TANC1: variants seen among roughly 807,000 people sequenced by gnomAD.
TANC1 encodes the protein tetratricopeptide repeat, ankyrin repeat and coiled-coil containing 1.
A neutral mutation model predicts 149.7 loss-of-function variants in TANC1; 77 were observed. The observed-to-expected ratio is 0.51, with a 90% CI of 0.43 to 0.62. The LOEUF is 0.62. Ranked by LOEUF, TANC1 falls within the 20% of genes least tolerant of loss-of-function variation. TANC1 has a pLI of 0.00. For synonymous variants in TANC1, 854 were observed against 925.0 expected (o/e 0.92, Z 1.39); for missense variants, 1,985 against 2,321.8 (o/e 0.85, Z 2.98).
chr2:159,114,330 T>C (rs1029630509), intron 4 of TANC1, among the ~76,000 whole-genome samples: 36 of 152,182 alleles, frequency 2.4e-4, no homozygotes. Flanking sequence ...ATGATATCAG[T>C]GGCCAGGTCA....
chr2:159,155,047 A>G (rs1488559174), intron 7 of TANC1, among the ~76,000 whole-genome samples: 1 of 152,232 alleles, frequency 6.6e-6, no homozygotes. Context: ...AAGAAATATA[A>G]AGTATGTTTT....
At chr2:159,219,963 CAG>C in intron 22 of TANC1, 96 bp downstream of exon 22, 1 of 1,116,910 alleles carries the variant, frequency 9.0e-7, no homozygotes, top group Admixed American at 2.1e-5. Context: ...GGTTGTGTCT[CAG>C]TGTCATCAGA....
At position 159,046,589 on chromosome 2, in the gene TANC1, C is replaced by CTTT. The variant is rs57208685; in HGVS notation, c.-15-19281_-15-19279dup. On this transcript the variant is annotated intron_variant, in intron 2 of 26. Transcript: ENST00000263635. ...ATGCACCATTCTTTTCTTTTCTTTA[C>CTTT]TTTTTTTTTTTTTTTTTTTTTTTTT... 8.9e-4 allele frequency among the ~76,000 whole-genome samples: 75 copies of CTTT among 84,380 alleles called. 3 individuals carry two copies. Among genetic ancestry groups the CTTT allele is most frequent in the South Asian group, 2.3e-3 (4 of 1,722 alleles). The allele number at this position is 84,380 out of a possible 152,430, so 55.4% of individuals were successfully genotyped here.
intron 1 of TANC1, among the ~76,000 whole-genome samples, chr2:158,993,079 G>T (rs2035824303): frequency 6.6e-6 from 1 of 152,148 alleles, no homozygotes; most frequent in African/African-American, 2.4e-5. Context: ...TGAAGGAATA[G>T]ATGTTCCTTC....
At chr2:159,098,612 AGTTT>A (rs1205416672) in intron 4 of TANC1, among the ~76,000 whole-genome samples, 2 of 152,124 alleles carry the variant, frequency 1.3e-5, no homozygotes, top group African/African-American at 4.8e-5. Flanking sequence ...ACAGCTATAA[AGTTT>A]GTTTGTGAAA....
At chr2:158,970,877 C>G (rs1376401261) in intron 1 of TANC1, among the ~76,000 whole-genome samples, 1 of 152,086 alleles carries the variant, frequency 6.6e-6, no homozygotes, top group Non-Finnish European at 1.5e-5. Flanking sequence ...TGGCACCAAG[C>G]CTTTTGGTTT....
At chr2:159,006,402 A>T (rs2037185953) in intron 2 of TANC1, among the ~76,000 whole-genome samples, 1 of 152,162 alleles carries the variant, frequency 6.6e-6, no homozygotes, top group South Asian at 2.1e-4. Flanking sequence ...AGTAGGAATT[A>T]TCCACACAGG....
intron 11 of TANC1, among the ~76,000 whole-genome samples, chr2:159,173,894 A>G (rs79565279): frequency 0.031 from 4,661 of 152,306 alleles, 96 homozygotes; most frequent in African/African-American, 0.055. Flanking sequence ...TGCCTTTTAA[A>G]GAGTCTGCAG....
At chr2:159,150,346 C>T in intron 6 of TANC1, 24 bp from the exon 7 acceptor site, 1 of 1,592,380 alleles carries the variant, frequency 6.3e-7, no homozygotes, top group South Asian at 1.1e-5. Context: ...GCCGTGCTAA[C>T]TCCTCCTTCC....
At chr2:159,227,131 G>A (rs1322266993) in intron 24 of TANC1, 1 of 147,634 alleles carries the variant, frequency 6.8e-6, no homozygotes, top group South Asian at 2.2e-4. Flanking sequence ...GACCCAGCAG[G>A]GTTCCTGGCT....
At chr2:159,112,848 T>A (rs998124445) in intron 4 of TANC1, among the ~76,000 whole-genome samples, 3 of 152,140 alleles carry the variant, frequency 2.0e-5, no homozygotes, top group Admixed American at 1.3e-4. Context: ...CCCAAAGGGC[T>A]GGGATTACAG....
intron 4 of TANC1, among the ~76,000 whole-genome samples, chr2:159,131,509 C>T (rs1199861768): frequency 1.3e-5 from 2 of 149,712 alleles, no homozygotes; most frequent in Non-Finnish European, 3.0e-5. Flanking sequence ...ATCACTCCCC[C>T]TCCCCCCGCC....
intron 4 of TANC1, among the ~76,000 whole-genome samples, chr2:159,127,953 G>T (rs188716048): frequency 6.6e-6 from 1 of 152,342 alleles, no homozygotes; most frequent in East Asian, 1.9e-4. Flanking sequence ...AATGTCTTAG[G>T]CGTTGCACCA....
chr2:159,166,262 G>T (rs2054586354), intron 8 of TANC1, among the ~76,000 whole-genome samples: 1 of 152,190 alleles, frequency 6.6e-6, no homozygotes, highest in Non-Finnish European at 1.5e-5. Flanking sequence ...AAACAAGCAT[G>T]ATTGCTATCC....
At chr2:159,022,331 G>A (rs1475845592) in intron 2 of TANC1, among the ~76,000 whole-genome samples, 25 of 152,190 alleles carry the variant, frequency 1.6e-4, no homozygotes, top group Non-Finnish European at 1.5e-5. Context: ...ACACACCAGC[G>A]TGTATGCACC....
chr2:159,221,267 G>A (rs1351430327), intron 22 of TANC1, among the ~76,000 whole-genome samples: 1 of 152,084 alleles, frequency 6.6e-6, no homozygotes, highest in Non-Finnish European at 1.5e-5. Flanking sequence ...TGTAATCCCA[G>A]CTACTCAGAA....
rs747696147 is a variant in TANC1, at chr2:159,136,298, G to A, written c.364G>A (p.Glu122Lys). ...VAKPTEPDEHEAKADNEPSCS... is the reference protein window; with the variant it reads ...VAKPTEPDEHKAKADNEPSCS... ...CAAGCCAACAGAGCCTGATGAGCAT[G>A]GTAAGAATTTCAGTGATTTCCTTCC... is the stretch of plus-strand genomic sequence containing the variant. The change falls in exon 5 of 27, where the codon GAA (glutamate) becomes AAA (lysine). Residue 122 changes from glutamate to lysine, a missense_variant and splice_region_variant. Physicochemically the swap from Glu to Lys is moderately conservative, Grantham distance 56. Coordinates refer to ENST00000263635, the MANE Select transcript of TANC1 (RefSeq NM_033394.3). 6.4e-7 allele frequency: 1 copy of A among 1,559,176 alleles called. No individual in the cohort carries two copies. Among genetic ancestry groups the A allele is most frequent in the South Asian group, 1.1e-5 (1 of 89,882 alleles).
chr2:159,161,084 A>G (rs1318001069), intron 7 of TANC1, among the ~76,000 whole-genome samples: 2 of 152,042 alleles, frequency 1.3e-5, no homozygotes, highest in Non-Finnish European at 2.9e-5. Flanking sequence ...TGGCCTTCCC[A>G]GCCATCCTCA....
chr2:158,979,793 G>T (rs556155673), intron 1 of TANC1, among the ~76,000 whole-genome samples: 1 of 152,306 alleles, frequency 6.6e-6, no homozygotes, highest in Non-Finnish European at 1.5e-5. Flanking sequence ...CAAGGCAATG[G>T]GTTTGAATAA....
Sources: allele counts gnomAD v4.1 joint callset (sites outside exome capture counted in the v4.1 genomes callset), GRCh38; gene constraint gnomAD v4.1.1; transcripts MANE v1.5; gene names NCBI Gene and HGNC (gene_info 2026-07-23, HGNC 2026-07-21).